The following WARS2 variants were observed in gnomAD, a reference collection of about 807,000 sequenced individuals.
The protein encoded by WARS2 is tryptophanyl tRNA synthetase 2, mitochondrial, also known as tryptophan--tRNA ligase, mitochondrial.
In WARS2, 28 loss-of-function variants were observed where a neutral mutation model predicts 36.5. The ratio of observed to expected loss-of-function variants is 0.77; its 90% CI spans 0.57 to 1.05. The LOEUF is 1.05. Ranked by LOEUF, WARS2 falls within the 50% of genes least tolerant of loss-of-function variation. The pLI is 0.00. For synonymous variants in WARS2, 174 were observed against 178.4 expected (o/e 0.98, Z 0.20); for missense variants, 435 against 456.8 (o/e 0.95, Z 0.44).
chr1:119,111,529 A>G (rs1454175213), intron 1 of WARS2, among the ~76,000 whole-genome samples: 3 of 152,150 alleles, frequency 2.0e-5, no homozygotes, highest in Non-Finnish European at 4.4e-5. Flanking sequence ...TGTTAAAAAG[A>G]GTGCTCTGGC....
At chr1:119,140,399 C>G in intron 1 of WARS2, 156 bp downstream of exon 1, 1 of 572,876 alleles carries the variant, frequency 1.7e-6, no homozygotes, top group Non-Finnish European at 2.9e-6. Flanking sequence ...TCACTACGCT[C>G]TGAGCAGGCC....
chr1:119,130,030 T>C (rs967686210), intron 1 of WARS2, among the ~76,000 whole-genome samples: 3 of 152,134 alleles, frequency 2.0e-5, no homozygotes, highest in Admixed American at 2.0e-4. Context: ...AACGGTGCAG[T>C]GAGACCTAGG....
intron 1 of WARS2, among the ~76,000 whole-genome samples, chr1:119,125,728 T>C (rs587637599): frequency 6.6e-6 from 1 of 152,316 alleles, no homozygotes; most frequent in South Asian, 2.1e-4. Flanking sequence ...TTATTATCTT[T>C]CCACCTCTTG....
chr1:119,042,073 A>G (rs902011035), intron 4 of WARS2, among the ~76,000 whole-genome samples, 191 bp downstream of exon 4: 2 of 152,214 alleles, frequency 1.3e-5, no homozygotes, highest in Non-Finnish European at 2.9e-5. Context: ...TACTTCTATA[A>G]TGTAGTACAT....
chr1:119,069,320 G>T (rs1360334524), intron 2 of WARS2, among the ~76,000 whole-genome samples: 3 of 152,150 alleles, frequency 2.0e-5, no homozygotes, highest in African/African-American at 4.8e-5. Flanking sequence ...ATGTTAACTG[G>T]AATTGGCTCC....
At chr1:119,036,799 A>G (rs1019112627) in intron 4 of WARS2, among the ~76,000 whole-genome samples, 2 of 152,194 alleles carry the variant, frequency 1.3e-5, no homozygotes, top group Non-Finnish European at 2.9e-5. Context: ...TTTTAAAAAC[A>G]AAAAGGATTT....
intron 2 of WARS2, among the ~76,000 whole-genome samples, chr1:119,066,365 C>T (rs1650862115): frequency 6.6e-6 from 1 of 151,082 alleles, no homozygotes. Context: ...GTAGTCCCAG[C>T]TACTCGGGAG....
At chr1:119,060,499 C>T (rs1479641140) in intron 2 of WARS2, among the ~76,000 whole-genome samples, 1 of 152,182 alleles carries the variant, frequency 6.6e-6, no homozygotes, top group African/African-American at 2.4e-5. Flanking sequence ...TCTCTATATA[C>T]AGTCATACTG....
At chr1:119,092,305 A>G (rs1653103782) in intron 1 of WARS2, among the ~76,000 whole-genome samples, 1 of 152,220 alleles carries the variant, frequency 6.6e-6, no homozygotes, top group Admixed American at 6.5e-5. Context: ...CTTGCTTTTC[A>G]AGACTAGTAG....
At chr1:119,111,035 C>A (rs1654594974) in intron 1 of WARS2, among the ~76,000 whole-genome samples, 1 of 152,146 alleles carries the variant, frequency 6.6e-6, no homozygotes, top group Non-Finnish European at 1.5e-5. Flanking sequence ...TCTGTTCTTT[C>A]ATGTTGTCTA....
intron 1 of WARS2, chr1:119,085,436 C>A: frequency 1.3e-6 from 2 of 1,500,288 alleles, no homozygotes; most frequent in Non-Finnish European, 1.8e-6. Flanking sequence ...CCTGTACCTC[C>A]CAGTCAGTTG....
In WARS2 at chr1:119,033,028, T is replaced by C; in HGVS notation, c.966A>G (p.Glu322=). The C allele has an allele frequency of 6.2e-7, 1 of 1,614,258 alleles. No homozygotes were observed. The highest frequency in any genetic ancestry group is 8.5e-7 in the Non-Finnish European group (1 of 1,180,044). The change falls in exon 6 of 6, where the codon GAA becomes GAG. Residue 322 remains glutamate (E), a synonymous_variant. Coordinates refer to ENST00000235521, the MANE Select transcript of WARS2 (RefSeq NM_015836.4). ...AATGGTCCTTGTCCAGCTTCAGTTT[T>C]TCAATTTCACGCTTAATTGGGGCAA... The part of the protein sequence containing the change: ...EKFAPIKREI[E]KLKLDKDHLE...
chr1:119,136,136 G>C (rs1026490432), intron 1 of WARS2, among the ~76,000 whole-genome samples: 31 of 152,142 alleles, frequency 2.0e-4, no homozygotes, highest in African/African-American at 7.2e-4. Flanking sequence ...CTGTGTGTGT[G>C]TGTGTGTGTA....
intron 1 of WARS2, among the ~76,000 whole-genome samples, chr1:119,107,297 T>C (rs1440679656): frequency 6.6e-6 from 1 of 152,154 alleles, no homozygotes; most frequent in East Asian, 1.9e-4. Flanking sequence ...AGAGCAGAAG[T>C]TTATAATTGT....
At chr1:119,085,417 G>T (rs1440805627) in intron 1 of WARS2, 1 of 1,462,508 alleles carries the variant, frequency 6.8e-7, no homozygotes, top group Non-Finnish European at 9.4e-7. Context: ...GAAGAGGATG[G>T]TTGCTCTGCC....
At chr1:119,040,604 A>G (rs888666284) in intron 4 of WARS2, among the ~76,000 whole-genome samples, 1 of 152,174 alleles carries the variant, frequency 6.6e-6, no homozygotes, top group Non-Finnish European at 1.5e-5. Context: ...GCAACATCAC[A>G]CCTGGCTAGC....
At chr1:119,073,887 A>T (rs1355736069) in intron 2 of WARS2, among the ~76,000 whole-genome samples, 1 of 152,234 alleles carries the variant, frequency 6.6e-6, no homozygotes, top group East Asian at 1.9e-4. Context: ...ATCATTCCTG[A>T]GAGATTGAGC....
At position 119,085,771 on chromosome 1, in the gene WARS2, T is replaced by A. The variant is rs1652603215; in HGVS notation, c.91-9164A>T. 3 of 1,600,330 alleles carry A rather than the reference T, an allele frequency of 1.9e-6. No homozygotes were observed. In the South Asian group the frequency reaches 3.3e-5, roughly 18 times the overall value. On this transcript the variant is annotated intron_variant, in intron 1 of 5. Transcript: ENST00000235521. ...TCCCACATGAGATTAATGTTAACAA[T>A]CTCCCCATACTGTGAGAACACACAG...
At chr1:119,057,874 T>C (rs937827019) in intron 2 of WARS2, among the ~76,000 whole-genome samples, 34 of 152,290 alleles carry the variant, frequency 2.2e-4, no homozygotes, top group African/African-American at 7.7e-4. Flanking sequence ...TTGCCAGATA[T>C]ATGTACTGTG....
Sources: gnomAD v4.1 joint callset for allele counts (sites outside exome capture counted in the v4.1 genomes callset) on GRCh38, gnomAD v4.1.1 for gene constraint, MANE v1.5 for transcripts, NCBI Gene and HGNC (gene_info 2026-07-23, HGNC 2026-07-21) for gene names.